Variants in ACBD5 observed in about 807,000 individuals in gnomAD.
The protein encoded by ACBD5 is acyl-CoA-binding domain-containing protein 5.
A neutral mutation model predicts 71.8 loss-of-function variants in ACBD5; 40 were observed. That is an observed-to-expected ratio of 0.56 (90% confidence interval 0.43 to 0.72). ACBD5 has a LOEUF of 0.72. ACBD5 is among the 30% of genes least tolerant of loss of function. The pLI, the probability that ACBD5 is intolerant of heterozygous loss-of-function variation, is 0.00. For missense variants in ACBD5, 559 were observed against 644.5 expected (o/e 0.87, Z 1.44); for synonymous variants, 229 against 218.6 (o/e 1.05, Z -0.42).
intron 3 of ACBD5, among the ~76,000 whole-genome samples, chr10:27,234,132 T>C (rs988234879): frequency 1.3e-5 from 2 of 152,210 alleles, no homozygotes; most frequent in African/African-American, 4.8e-5. Flanking sequence ...TCTCAGACAT[T>C]TGTGAAGGCT....
At chr10:27,186,057 T>A (rs891161517) in intron 13 of ACBD5, among the ~76,000 whole-genome samples, 1 of 152,022 alleles carries the variant, frequency 6.6e-6, no homozygotes, top group Non-Finnish European at 1.5e-5. Context: ...CCACTGCACT[T>A]CAGCCTGGGC....
intron 12 of ACBD5, among the ~76,000 whole-genome samples, chr10:27,202,061 T>C (rs994543238): frequency 6.6e-6 from 1 of 152,104 alleles, no homozygotes; most frequent in South Asian, 2.1e-4. Flanking sequence ...ACTTTCCCCA[T>C]CCTAATCAGA....
Position 27,218,588 on chromosome 10 carries a change from GTT to G in ACBD5, c.626-407_626-406del, listed in dbSNP as rs11347518. Among the ~76,000 whole-genome samples the G allele has an allele frequency of 9.9e-4, 142 of 142,892 alleles. 1 individual carries two copies. The highest frequency in any genetic ancestry group is 4.3e-3 in the East Asian group (21 of 4,884). The allele number at this position is 142,892 out of a possible 152,430, so 93.7% of individuals were successfully genotyped here. The stretch of plus-strand genomic sequence containing the variant: ...AGGGAAGGCAAAACTAAGTTACACA[GTT>G]TTTTTTTTTTTTTGAGACAAAGTCT... On this transcript the variant is annotated intron_variant, in intron 6 of 12. Transcript: ENST00000396271.
intron 9 of ACBD5, 117 bp from the exon 10 acceptor site, chr10:27,208,562 G>A: frequency 8.0e-7 from 1 of 1,251,886 alleles, no homozygotes; most frequent in Non-Finnish European, 1.1e-6. Flanking sequence ...GTGTGGCCAG[G>A]AGCTGTGGCT....
chr10:27,224,176 G>T (rs1336663684), intron 4 of ACBD5, among the ~76,000 whole-genome samples: 1 of 148,812 alleles, frequency 6.7e-6, no homozygotes, highest in African/African-American at 2.5e-5. Flanking sequence ...GACTTGCCTG[G>T]GCAACATAGT....
In ACBD5 at chr10:27,210,986, A is replaced by G. The variant is rs2061015356; in HGVS notation, c.1032T>C (p.Asp344=). 6.2e-7 allele frequency: 1 copy of G among 1,614,142 alleles called. No individual in the cohort carries two copies. The change falls in exon 9 of 13, where the codon GAT becomes GAC. Residue 344 remains aspartate, a synonymous_variant. Transcript: ENST00000396271. The part of the protein sequence containing the change: ...QPMENSGFRE[D]IQVPPGNGNI... Reference sequence around the variant, plus strand: ...TGCCATTTCCAGGAGGTACTTGAATATCTTCACGAAATCCAGAATTTTCCA... The same window carrying G: ...TGCCATTTCCAGGAGGTACTTGAATGTCTTCACGAAATCCAGAATTTTCCA...
downstream of ACBD5, among the ~76,000 whole-genome samples, chr10:27,190,542 C>CA (rs1453823839): frequency 1.3e-4 from 20 of 152,270 alleles, no homozygotes; most frequent in Middle Eastern, 0.01. Flanking sequence ...TATTATGCTC[C>CA]AAAACATCTT....
At chr10:27,189,539 G>T (rs573351407) in intron 13 of ACBD5, among the ~76,000 whole-genome samples, 1 of 146,652 alleles carries the variant, frequency 6.8e-6, no homozygotes, top group East Asian at 2.1e-4. Context: ...ACCAAACACC[G>T]CATGTTCTCA....
At chr10:27,209,624 T>C (rs975035388) in intron 9 of ACBD5, among the ~76,000 whole-genome samples, 6 of 152,084 alleles carry the variant, frequency 3.9e-5, no homozygotes, top group Middle Eastern at 3.2e-3. Context: ...CGCCCAGCCA[T>C]CCAAAAGATT....
intron 8 of ACBD5, among the ~76,000 whole-genome samples, chr10:27,211,580 A>T: frequency 6.6e-6 from 1 of 152,090 alleles, no homozygotes; most frequent in South Asian, 2.1e-4. Context: ...CGGCCTCCCA[A>T]ACTGCTGGGA....
chr10:27,208,479 ATAAT>A, intron 9 of ACBD5, 34 bp from the exon 10 acceptor site: 5 of 1,598,566 alleles, frequency 3.1e-6, no homozygotes, highest in Non-Finnish European at 4.3e-6. Context: ...CTTGTTTTAA[ATAAT>A]TCTTATACAA....
At chr10:27,223,203 C>T (rs901391657) in intron 5 of ACBD5, 135 bp downstream of exon 5, 3 of 747,290 alleles carry the variant, frequency 4.0e-6, no homozygotes, top group Non-Finnish European at 7.3e-6. Flanking sequence ...TTCATGATTC[C>T]TACCTTCTAA....
Position 27,195,801 on chromosome 10 carries a change from G to A in ACBD5, c.*1629C>T. ...TAAATTGTATTCTTATACTTTTCAG[G>A]CAAACAAAGAACCATTCTGTATACT... On this transcript the variant is annotated 3_prime_UTR_variant, in exon 13 of 13. Coordinates refer to ENST00000396271, the MANE Select transcript of ACBD5 (RefSeq NM_145698.5). 2.4e-6 allele frequency: 1 copy of A among 412,176 alleles called. No individual in the cohort carries two copies. The highest frequency in any genetic ancestry group is 1.8e-5 in the South Asian group (1 of 55,926). 25.5% of individuals were successfully genotyped at this position (412,176 alleles called of 1,614,324 possible). A position where few individuals can be genotyped will look rare whatever the true frequency, so the allele number is the denominator to read the frequency against.
downstream of ACBD5, chr10:27,195,193 T>A (rs1335697158): frequency 2.7e-6 from 1 of 372,676 alleles, no homozygotes; most frequent in Admixed American, 3.7e-5. Flanking sequence ...GGGCTAATAG[T>A]AACAAGTAAT....
chr10:27,200,078 T>C (rs763308656), intron 12 of ACBD5, among the ~76,000 whole-genome samples: 2 of 152,024 alleles, frequency 1.3e-5, no homozygotes, highest in Non-Finnish European at 2.9e-5. Context: ...CCATTTTGAA[T>C]AGGAGCTGGG....
Position 27,218,196 on chromosome 10 carries a change from A to G in ACBD5, c.626-13T>C, listed in dbSNP as rs770071538. On this transcript the variant is annotated splice_polypyrimidine_tract_variant and intron_variant, in intron 6 of 12. Transcript: ENST00000396271. The stretch of plus-strand genomic sequence containing the variant: ...ATCATTTTCTTATCTTTTACGAGAA[A>G]ATGGGAAAGATTCATAAAAGTTCAC... The G allele has an allele frequency of 4.4e-6, 7 of 1,603,160 alleles. No individual in the cohort carries two copies. The South Asian group carries it at 7.7e-5, about 18-fold the overall frequency.
Position 27,205,226 on chromosome 10 carries a change from A to G in ACBD5, c.1427T>C (p.Leu476Ser), listed in dbSNP as rs1429846088. 6 of 1,613,394 alleles carry G rather than the reference A, an allele frequency of 3.7e-6. No individual in the cohort carries two copies. Among genetic ancestry groups the G allele is most frequent in the African/African-American group, 1.3e-5 (1 of 75,014 alleles). The change falls in exon 11 of 13, where the codon TTG becomes TCG. Residue 476 changes from leucine to serine, a missense_variant. Coordinates refer to ENST00000396271, the MANE Select transcript of ACBD5 (RefSeq NM_145698.5). ...ALQAKSSTSTLQTAPQPTSQR... is the reference protein window; with the variant it reads ...ALQAKSSTSTSQTAPQPTSQR... ...TGAGGTGGGCTGAGGAGCAGTCTGC[A>G]ATGTTGATGTTGATGATTTTGCCTG...
intron 4 of ACBD5, among the ~76,000 whole-genome samples, chr10:27,227,132 G>A (rs1236836105): frequency 2.0e-4 from 2 of 10,220 alleles, no homozygotes; most frequent in Non-Finnish European, 4.4e-4. Flanking sequence ...GGCCACCCCT[G>A]GTCTAAAGTT....
In ACBD5 at chr10:27,240,554, G is replaced by T. The variant is rs2065361669; in HGVS notation, c.16-70C>A. The T allele has an allele frequency of 6.5e-7, 1 of 1,550,314 alleles. No homozygotes were observed. The highest frequency in any genetic ancestry group is 8.7e-7 in the Non-Finnish European group (1 of 1,145,826). On this transcript the variant is annotated intron_variant, in intron 1 of 12. Transcript: ENST00000396271. The surrounding 1 kb of genome is among the most constrained non-coding windows in gnomAD (Gnocchi z 4.1). ...GGAGGCCCGGGAGCGAAGCGGGTCA[G>T]TTCCCCTTTGCCCTGCCCTATCCAG...
Sources: allele counts gnomAD v4.1 joint callset (sites outside exome capture counted in the v4.1 genomes callset), GRCh38; gene constraint gnomAD v4.1.1; non-coding constraint Gnocchi (gnomAD v3.1); transcripts MANE v1.5; gene names NCBI Gene and HGNC (gene_info 2026-07-23, HGNC 2026-07-21).